Variants in TMEM35A observed in about 807,000 individuals in gnomAD.
TMEM35A encodes the protein nicotinic acetylcholine receptor chaperone.
For missense variants in TMEM35A, 83 were observed against 132.7 expected (o/e 0.63, Z 1.84); for synonymous variants, 50 against 54.7 (o/e 0.91, Z 0.38).
Position 101,096,152 on chromosome X carries a change from A to G in TMEM35A, c.*1196A>G, listed in dbSNP as rs2089339688. ...GTTAGTTGGACTGAGCAGTATGGAC[A>G]TTTGCTTTTTTCATTACGTACTGTT... On this transcript the variant is annotated 3_prime_UTR_variant, in exon 2 of 2. Coordinates refer to ENST00000372930, the MANE Select transcript of TMEM35A (RefSeq NM_021637.3). 1 of 109,972 alleles carries G rather than the reference A, an allele frequency of 9.1e-6. No homozygotes were observed. Among genetic ancestry groups the G allele is most frequent in the Admixed American group, 9.8e-5 (1 of 10,197 alleles). The allele number at this position is 109,972 out of a possible 1,213,427, so 9.1% of individuals were successfully genotyped here. A position where few individuals can be genotyped will look rare whatever the true frequency, so the allele number is the denominator to read the frequency against.
chrX:101,081,402 T>A (rs41298510), intron 1 of TMEM35A: 1 of 112,270 alleles, frequency 8.9e-6, no homozygotes. Context: ...GGAAATTCAG[T>A]TCTAGTACAG....
At chrX:101,082,301 G>A (rs1288002041) in intron 1 of TMEM35A, among the ~76,000 whole-genome samples, 1 of 105,000 alleles carries the variant, frequency 9.5e-6, no homozygotes, top group East Asian at 3.0e-4. Flanking sequence ...AGCCAGCAAG[G>A]GTTAGTGGAA....
At chrX:101,079,218 A>C in intron 1 of TMEM35A, 96 bp downstream of exon 1, 1 of 1,041,101 alleles carries the variant, frequency 9.6e-7, no homozygotes, top group Non-Finnish European at 1.3e-6. Flanking sequence ...CCACCCCCTT[A>C]GCCCCTATCC....
At chrX:101,080,832 T>C (rs1269846849) in intron 1 of TMEM35A, among the ~76,000 whole-genome samples, 3 of 110,707 alleles carry the variant, frequency 2.7e-5, no homozygotes, top group Admixed American at 9.7e-5. Flanking sequence ...ACACTACCTT[T>C]CTTCAGTATA....
At chrX:101,089,190 G>C (rs186735837) in intron 1 of TMEM35A, among the ~76,000 whole-genome samples, 7 of 110,909 alleles carry the variant, frequency 6.3e-5, no homozygotes, top group African/African-American at 2.3e-4. Context: ...GATGGGAAGA[G>C]AGAGGAAGAA....
intron 1 of TMEM35A, among the ~76,000 whole-genome samples, chrX:101,085,376 C>T (rs2089304058): frequency 9.1e-6 from 1 of 109,931 alleles, no homozygotes; most frequent in Non-Finnish European, 1.9e-5. Flanking sequence ...CAAGCTGGGC[C>T]GATCACCTGA....
chrX:101,088,520 G>T (rs2089314069), intron 1 of TMEM35A, among the ~76,000 whole-genome samples: 1 of 111,984 alleles, frequency 8.9e-6, no homozygotes, highest in Non-Finnish European at 1.9e-5. Context: ...GGGAGGCTGA[G>T]GCGGGAGGAT....
At position 101,095,304 on chromosome X, in the gene TMEM35A, TGTGTGTGCGCGC is replaced by T. The variant is rs2089336208; in HGVS notation, c.*350_*361del. On this transcript the variant is annotated 3_prime_UTR_variant, in exon 2 of 2. Transcript: ENST00000372930. Reference sequence around the variant, plus strand: ...TAACTACTCTGTGTGTGTGTGTGTGTGTGTGTGCGCGCGCGCGCGCACGCGCACACACTCACG... The same window carrying T: ...TAACTACTCTGTGTGTGTGTGTGTGTGCGCGCGCACGCGCACACACTCACG... 1 of 103,967 alleles carries T rather than the reference TGTGTGTGCGCGC, an allele frequency of 9.6e-6. No individual in the cohort carries two copies. The highest frequency in any genetic ancestry group is 6.3e-5 in the African/African-American group (1 of 15,952). 8.6% of individuals were successfully genotyped at this position (103,967 alleles called of 1,213,427 possible).
intron 1 of TMEM35A, chrX:101,094,322 G>A: frequency 4.0e-6 from 1 of 249,294 alleles, no homozygotes; most frequent in Non-Finnish European, 7.0e-6. Flanking sequence ...CACCATGTTG[G>A]CCAAGCTGTC....
chrX:101,094,337 A>G (rs899829027), intron 1 of TMEM35A: 2 of 270,315 alleles, frequency 7.4e-6, no homozygotes, highest in Non-Finnish European at 1.3e-5. Context: ...GCTGTCTCCA[A>G]TTCCCGGCCT....
chrX:101,081,660 G>A (rs778413444), intron 1 of TMEM35A: 1 of 112,053 alleles, frequency 8.9e-6, no homozygotes, highest in South Asian at 3.7e-4. Context: ...CCATTAAGGA[G>A]TGGATTCCTC....
chrX:101,082,139 T>TC (rs1480837367), intron 1 of TMEM35A, among the ~76,000 whole-genome samples: 2 of 90,015 alleles, frequency 2.2e-5, no homozygotes, highest in Non-Finnish European at 4.1e-5. Context: ...CTTTCTTTTT[T>TC]TTTTTTTTTT....
At chrX:101,088,592 G>C (rs1281580501) in intron 1 of TMEM35A, among the ~76,000 whole-genome samples, 1 of 110,702 alleles carries the variant, frequency 9.0e-6, no homozygotes, top group Non-Finnish European at 1.9e-5. Flanking sequence ...ACTCCCGCCT[G>C]GGTGACAGCG....
intron 1 of TMEM35A, among the ~76,000 whole-genome samples, chrX:101,086,494 A>C (rs761027101): frequency 1.1e-4 from 12 of 112,112 alleles, no homozygotes; most frequent in Non-Finnish European, 2.2e-4. Context: ...TTGATTATTT[A>C]CCTAAATCTC....
In TMEM35A at chrX:101,078,881, C is replaced by G. The variant is rs1482901203; in HGVS notation, c.-122C>G. On this transcript the variant is annotated 5_prime_UTR_variant, in exon 1 of 2. Coordinates refer to ENST00000372930, the MANE Select transcript of TMEM35A (RefSeq NM_021637.3). ...CTCGAGCTCCCTCCTCTCCCTTTGTCATTCTAGCTGCCTGCTGCCTCCGCA... is the reference window on the plus strand; with the variant it reads ...CTCGAGCTCCCTCCTCTCCCTTTGTGATTCTAGCTGCCTGCTGCCTCCGCA... 1.0e-6 allele frequency: 1 copy of G among 965,767 alleles called. No homozygotes were observed. The highest frequency in any genetic ancestry group is 2.3e-5 in the South Asian group (1 of 43,428). The allele number at this position is 965,767 out of a possible 1,213,427, so 79.6% of individuals were successfully genotyped here.
intron 1 of TMEM35A, among the ~76,000 whole-genome samples, chrX:101,084,856 C>T (rs184169729): frequency 1.8e-5 from 2 of 110,331 alleles, no homozygotes; most frequent in Admixed American, 2.0e-4. Flanking sequence ...CAGAGTTAGA[C>T]TCCATCTCAA....
chrX:101,095,991 G>C lies in TMEM35A; in HGVS notation c.*1035G>C, dbSNP rs747907340. The C allele has an allele frequency of 4.5e-5, 5 of 112,180 alleles. No individual in the cohort carries two copies. The highest frequency in any genetic ancestry group is 9.4e-5 in the Non-Finnish European group (5 of 53,306). 9.2% of individuals were successfully genotyped at this position (112,180 alleles called of 1,213,427 possible). A position where few individuals can be genotyped will look rare whatever the true frequency, so the allele number is the denominator to read the frequency against. On this transcript the variant is annotated 3_prime_UTR_variant, in exon 2 of 2. Transcript: ENST00000372930. ...ATATCCAGTGTTTCACTGCCAAACAGATTCACTACTCTTACTGATTCTTCA... is the reference window on the plus strand; with the variant it reads ...ATATCCAGTGTTTCACTGCCAAACACATTCACTACTCTTACTGATTCTTCA...
chrX:101,089,348 C>T (rs1381265136), intron 1 of TMEM35A, among the ~76,000 whole-genome samples: 2 of 110,338 alleles, frequency 1.8e-5, no homozygotes, highest in South Asian at 3.8e-4. Context: ...TCGGAGCCTA[C>T]CTTTATTTAA....
At position 101,095,650 on chromosome X, in the gene TMEM35A, A is replaced by C. The variant is rs183366887; in HGVS notation, c.*694A>C. The stretch of plus-strand genomic sequence containing the variant: ...ATATTGAATTTAATTAAAACAAGGG[A>C]TGCATGCAGTCAAATTGATAGTTTA... On this transcript the variant is annotated 3_prime_UTR_variant, in exon 2 of 2. Coordinates refer to ENST00000372930, the MANE Select transcript of TMEM35A (RefSeq NM_021637.3). 9.1e-6 allele frequency: 1 copy of C among 110,031 alleles called. No homozygotes were observed. Among genetic ancestry groups the C allele is most frequent in the Admixed American group, 9.9e-5 (1 of 10,115 alleles). The allele number at this position is 110,031 out of a possible 1,213,427, so 9.1% of individuals were successfully genotyped here.
Sources: allele counts gnomAD v4.1 joint callset (sites outside exome capture counted in the v4.1 genomes callset), GRCh38; gene constraint gnomAD v4.1.1; transcripts MANE v1.5; gene names NCBI Gene and HGNC (gene_info 2026-07-23, HGNC 2026-07-21).